Variants in CADPS2 observed in about 807,000 individuals in gnomAD.
The protein encoded by CADPS2 is calcium-dependent secretion activator 2.
CADPS2 carries 93 observed loss-of-function variants against 172.5 expected under a neutral mutation model. That is an observed-to-expected ratio of 0.54 (90% CI 0.46 to 0.64). The LOEUF (loss-of-function observed/expected upper bound fraction) is 0.64, where lower values mean the gene tolerates loss of function less well. CADPS2 is among the 30% of genes least tolerant of loss of function. CADPS2 has a pLI of 0.00. For synonymous variants in CADPS2, 546 were observed against 555.2 expected (o/e 0.98, Z 0.23); for missense variants, 1,420 against 1,565.9 (o/e 0.91, Z 1.57).
At position 122,422,954 on chromosome 7, in the gene CADPS2, G is replaced by A. The variant is rs144270263; in HGVS notation, c.2477-6790C>T. 1.2e-3 allele frequency among the ~76,000 whole-genome samples: 187 copies of A among 152,086 alleles called. 3 individuals carry two copies. Among genetic ancestry groups the A allele is most frequent in the African/African-American group, 3.9e-3 (163 of 41,516 alleles). On this transcript the variant is annotated intron_variant, in intron 17 of 29. Coordinates refer to ENST00000449022, the MANE Select transcript of CADPS2 (RefSeq NM_017954.11). ...AGTCTGGGTGACAGAGTGAGACTCC[G>A]TCTCAAAATAAATAAATAAAAATAA...
intron 20 of CADPS2, among the ~76,000 whole-genome samples, chr7:122,402,676 A>C (rs1585663537): frequency 6.6e-6 from 1 of 152,348 alleles, no homozygotes; most frequent in East Asian, 1.9e-4. Flanking sequence ...AGTAATTTTA[A>C]ATTTTGGGAA....
At chr7:122,706,244 CTTATATATTCAAGGAATATATATATGT>C (rs1255713528) in intron 2 of CADPS2, among the ~76,000 whole-genome samples, 1,307 of 41,484 alleles carry the variant, frequency 0.032, 545 homozygotes, top group Non-Finnish European at 0.04. Flanking sequence ...TACATATATG[CTTATATATTCAAGGAATATATATATGT>C]TTATATATTC....
intron 2 of CADPS2, among the ~76,000 whole-genome samples, chr7:122,685,890 T>C (rs1325699624): frequency 3.3e-5 from 5 of 152,218 alleles, no homozygotes; most frequent in Non-Finnish European, 7.3e-5. Flanking sequence ...CAGAGGAAGA[T>C]GCCACAAACC....
At chr7:122,598,419 C>T (rs988443763) in intron 6 of CADPS2, among the ~76,000 whole-genome samples, 1 of 151,978 alleles carries the variant, frequency 6.6e-6, no homozygotes, top group Non-Finnish European at 1.5e-5. Context: ...TTAAATAATA[C>T]ATACCATTTT....
At chr7:122,768,046 T>C (rs2093607140) in intron 1 of CADPS2, among the ~76,000 whole-genome samples, 1 of 152,214 alleles carries the variant, frequency 6.6e-6, no homozygotes, top group African/African-American at 2.4e-5. Flanking sequence ...TATTACCATC[T>C]GCAGCCAGTT....
chr7:122,393,047 C>A, intron 22 of CADPS2, 149 bp downstream of exon 22: 1 of 897,124 alleles, frequency 1.1e-6, no homozygotes. Flanking sequence ...GCTTAGCTTA[C>A]TAGCTTAAAA....
intron 17 of CADPS2, among the ~76,000 whole-genome samples, chr7:122,431,827 A>G (rs544805551): frequency 1.1e-4 from 16 of 151,578 alleles, no homozygotes; most frequent in African/African-American, 3.1e-4. Flanking sequence ...CGGCTCTACT[A>G]AAAATACAAA....
At chr7:122,379,530 G>T in intron 24 of CADPS2, 88 bp from the exon 25 acceptor site, 2 of 764,594 alleles carry the variant, frequency 2.6e-6, no homozygotes, top group South Asian at 3.0e-5. Flanking sequence ...TACTAGTTAT[G>T]ACCTATCAGA....
intron 7 of CADPS2, among the ~76,000 whole-genome samples, chr7:122,560,706 C>A (rs982581205): frequency 9.2e-5 from 14 of 152,114 alleles, no homozygotes; most frequent in Non-Finnish European, 1.6e-4. Context: ...TACAAGAAAC[C>A]TTGACTTTTT....
At chr7:122,864,735 T>C (rs887269759) in intron 1 of CADPS2, among the ~76,000 whole-genome samples, 1 of 152,190 alleles carries the variant, frequency 6.6e-6, no homozygotes, top group African/African-American at 2.4e-5. Context: ...CTATTTAAAT[T>C]ACAAAGCAAA....
At chr7:122,465,264 A>G (rs1390228180) in intron 14 of CADPS2, among the ~76,000 whole-genome samples, 2 of 152,256 alleles carry the variant, frequency 1.3e-5, no homozygotes, top group Non-Finnish European at 2.9e-5. Flanking sequence ...CCAGAAAATC[A>G]TAACTTGCCC....
At chr7:122,885,713 C>T (rs1277063530) in intron 1 of CADPS2, among the ~76,000 whole-genome samples, 2 of 152,140 alleles carry the variant, frequency 1.3e-5, no homozygotes, top group Non-Finnish European at 2.9e-5. Context: ...GCTGCGCCTG[C>T]CGGGTGCAAC....
chr7:122,885,361 T>C (rs1824055152), intron 1 of CADPS2, among the ~76,000 whole-genome samples: 1 of 151,934 alleles, frequency 6.6e-6, no homozygotes, highest in Admixed American at 6.6e-5. Context: ...TATATTTCAT[T>C]AATCAGGCCT....
At chr7:122,732,590 A>T (rs2091753599) in intron 2 of CADPS2, among the ~76,000 whole-genome samples, 1 of 147,772 alleles carries the variant, frequency 6.8e-6, no homozygotes, top group Non-Finnish European at 1.5e-5. Flanking sequence ...ATATTCTAGG[A>T]TTAGATCTTT....
intron 2 of CADPS2, among the ~76,000 whole-genome samples, chr7:122,714,609 A>T (rs2089310882): frequency 1.3e-5 from 2 of 152,160 alleles, no homozygotes. Flanking sequence ...AAACAAATAC[A>T]TACAAGATGG....
chr7:122,451,728 G>A (rs561731457), intron 14 of CADPS2, among the ~76,000 whole-genome samples: 2 of 152,130 alleles, frequency 1.3e-5, no homozygotes, highest in African/African-American at 4.8e-5. Flanking sequence ...CAGATCTACC[G>A]AAAACAATGA....
chr7:122,846,323 G>C (rs1456950913), intron 1 of CADPS2, among the ~76,000 whole-genome samples: 1 of 152,004 alleles, frequency 6.6e-6, no homozygotes, highest in East Asian at 1.9e-4. Flanking sequence ...TAAAGCAAAA[G>C]GTATAAATCT....
chr7:122,681,779 AT>A (rs1227786847), intron 2 of CADPS2: 13 of 509,780 alleles, frequency 2.6e-5, no homozygotes, highest in Middle Eastern at 5.2e-4. Flanking sequence ...CTAAAAAAAA[AT>A]AAATAAAAAT....
chr7:122,778,676 T>C (rs1266227105), intron 1 of CADPS2, among the ~76,000 whole-genome samples: 1 of 152,230 alleles, frequency 6.6e-6, no homozygotes, highest in Non-Finnish European at 1.5e-5. Context: ...GGTTGTGGCC[T>C]CACGGGGTGC....
Sources: allele counts gnomAD v4.1 joint callset (sites outside exome capture counted in the v4.1 genomes callset), GRCh38; gene constraint gnomAD v4.1.1; transcripts MANE v1.5; gene names NCBI Gene and HGNC (gene_info 2026-07-23, HGNC 2026-07-21).